Variants in BSDC1 observed in about 807,000 individuals in gnomAD.
BSDC1 encodes BSD domain containing 1.
In BSDC1, 29 loss-of-function variants were observed where a neutral mutation model predicts 56.0. The ratio of observed to expected loss-of-function variants is 0.52; its 90% CI spans 0.39 to 0.71. The LOEUF (loss-of-function observed/expected upper bound fraction) is 0.71. BSDC1 is among the 30% of genes least tolerant of loss of function. BSDC1 has a pLI of 0.00. For missense variants in BSDC1, 477 were observed against 548.5 expected (o/e 0.87, Z 1.30); for synonymous variants, 210 against 215.3 (o/e 0.98, Z 0.21).
intron 10 of BSDC1, chr1:32,367,989 A>G (rs563337502): frequency 4.3e-4 from 480 of 1,117,612 alleles, no homozygotes; most frequent in Non-Finnish European, 5.1e-4. Flanking sequence ...GAGGACCACA[A>G]CTCAGAAGGT....
At chr1:32,394,348 C>T (rs764418866) in intron 1 of BSDC1, 56 bp downstream of exon 1, 1 of 1,613,848 alleles carries the variant, frequency 6.2e-7, no homozygotes, top group South Asian at 1.1e-5. Context: ...TCGCCCAGCA[C>T]CCCAACCCTG....
At chr1:32,366,774 T>C in intron 10 of BSDC1, 120 bp from the exon 11 acceptor site, 1 of 1,428,722 alleles carries the variant, frequency 7.0e-7, no homozygotes, top group Non-Finnish European at 9.2e-7. Flanking sequence ...GGCCATACTC[T>C]GAGGTCCCAC....
intron 2 of BSDC1, among the ~76,000 whole-genome samples, chr1:32,389,784 C>CCA (rs58560406): frequency 0.13 from 18,340 of 145,938 alleles, 1,119 homozygotes; most frequent in African/African-American, 0.16. Context: ...AAAACCGTCT[C>CCA]CACACACACA....
rs1254003357 is a variant in BSDC1, at chr1:32,383,454, TA to T, written c.357+375del. ...GTGACAGAGTGAGACCCTGTCTCAT[TA>T]AAAAAAAAAAAAAAGATGATTAGGA... On this transcript the variant is annotated intron_variant, in intron 4 of 10. Coordinates refer to ENST00000455895, the MANE Select transcript of BSDC1 (RefSeq NM_018045.8). Among the ~76,000 whole-genome samples, 857 of 136,104 alleles carry T rather than the reference TA, an allele frequency of 6.3e-3. 2 individuals carry two copies. Among genetic ancestry groups the T allele is most frequent in the African/African-American group, 8.4e-3 (310 of 37,026 alleles). 89.3% of individuals were successfully genotyped at this position (136,104 alleles called of 152,430 possible).
At chr1:32,379,658 G>A (rs1642416224) in intron 5 of BSDC1, among the ~76,000 whole-genome samples, 2 of 152,126 alleles carry the variant, frequency 1.3e-5, no homozygotes, top group African/African-American at 4.8e-5. Flanking sequence ...TGGCACAACC[G>A]TGGCTCACTG....
rs1338574403 is a variant in BSDC1 at position 32,376,673 on chromosome 1, A to G, written c.745T>C (p.Phe249Leu). Residue 249 changes from phenylalanine (F) to leucine (L), a missense_variant, in exon 9 of 11, where the codon TTC becomes CTC. Phe to Leu is a conservative substitution (Grantham distance 22, BLOSUM62 0). Transcript: ENST00000455895. ...TGGGGGCCAGGTTCTCCTTCAGGGA[A>G]TGTAGAAATTTTGGCCACAGGAACC... ...AKVPVAKIST[F>L]PEGEPGPQSP... is the part of the protein sequence containing the mutation. The G allele has an allele frequency of 7.1e-7, 1 of 1,415,526 alleles. No individual in the cohort carries two copies. Among genetic ancestry groups the G allele is most frequent in the African/African-American group, 1.4e-5 (1 of 70,542 alleles). The allele number at this position is 1,415,526 out of a possible 1,614,324, so 87.7% of individuals were successfully genotyped here. A position where few individuals can be genotyped will look rare whatever the true frequency, so the allele number is the denominator to read the frequency against.
intron 1 of BSDC1, 45 bp downstream of exon 1, chr1:32,394,359 G>A: frequency 6.2e-7 from 1 of 1,613,940 alleles, no homozygotes; most frequent in Non-Finnish European, 8.5e-7. Flanking sequence ...CCCAACCCTG[G>A]GAGAATTCAG....
rs769915534 is a variant in BSDC1 at position 32,378,833 on chromosome 1, G to A, written c.419C>T (p.Pro140Leu). 9 of 1,515,080 alleles carry A rather than the reference G, an allele frequency of 5.9e-6. No individual in the cohort carries two copies. The highest frequency in any genetic ancestry group is 1.4e-5 in the African/African-American group (1 of 71,242). 93.9% of individuals were successfully genotyped at this position (1,515,080 alleles called of 1,614,324 possible). A position where few individuals can be genotyped will look rare whatever the true frequency, so the allele number is the denominator to read the frequency against. Reference protein sequence around the residue: ...ATYCNEPDGPPELFDAWLSQF... With the variant: ...ATYCNEPDGPLELFDAWLSQF... The stretch of plus-strand genomic sequence containing the variant: ...GGAAAGCCAGGCGTCAAACAATTCC[G>A]GGGGCCCTGCAGAGGGACAGATGCT... Residue 140 changes from proline to leucine, a missense_variant, in exon 6 of 11, where the codon CCG becomes CTG. By Grantham distance (98) the Pro-to-Leu change is moderately conservative. Coordinates refer to ENST00000455895, the MANE Select transcript of BSDC1 (RefSeq NM_018045.8). The surrounding 1 kb of genome is among the most constrained non-coding windows in gnomAD (Gnocchi z 5.2).
intron 3 of BSDC1, among the ~76,000 whole-genome samples, chr1:32,385,470 T>C (rs1410794601): frequency 1.3e-5 from 2 of 152,196 alleles, no homozygotes; most frequent in African/African-American, 2.4e-5. Flanking sequence ...CTCATGCCTG[T>C]AATCCCAGCA....
rs765951729 is a variant in BSDC1, at chr1:32,394,405, C to A, written c.10G>T (p.Gly4Trp). 6.2e-7 allele frequency: 1 copy of A among 1,614,066 alleles called. No individual in the cohort carries two copies. Among genetic ancestry groups the A allele is most frequent in the Non-Finnish European group, 8.5e-7 (1 of 1,180,046 alleles). MAE[G>W]EDVGWWRSWL... The stretch of plus-strand genomic sequence containing the variant: ...CTAGGAGCAAAACGACAAGCTCACC[C>A]TTCCGCCATCTTGCCTGCATGACAT... Residue 4 changes from glycine (G) to tryptophan (W), a missense_variant and splice_region_variant, in exon 1 of 11, where the codon GGG (glycine) becomes TGG (tryptophan). Physicochemically the swap from Gly to Trp is radical, Grantham distance 184. Transcript: ENST00000455895.
chr1:32,368,214 C>A, intron 10 of BSDC1: 1 of 1,447,368 alleles, frequency 6.9e-7, no homozygotes, highest in Non-Finnish European at 9.1e-7. Flanking sequence ...AATTTTGATA[C>A]AGAGCTAAGG....
In BSDC1 at chr1:32,376,616, C is replaced by A. The variant is rs1184337836; in HGVS notation, c.802G>T (p.Val268Phe). Residue 268 changes from valine to phenylalanine, a missense_variant, in exon 9 of 11, where the codon GTT (valine) becomes TTT (phenylalanine). Physicochemically the swap from Val to Phe is conservative, Grantham distance 50. Coordinates refer to ENST00000455895, the MANE Select transcript of BSDC1 (RefSeq NM_018045.8). ...SPCEENLVTS[V>F]EPPAEVTPSE... ...GGAGTCACCTCTGCTGGGGGCTCAA[C>A]TGAAGTCACCAGATTCTCTTCACAG... is the stretch of plus-strand genomic sequence containing the variant. 1 of 1,462,450 alleles carries A rather than the reference C, an allele frequency of 6.8e-7. No homozygotes were observed. Among genetic ancestry groups the A allele is most frequent in the East Asian group, 2.3e-5 (1 of 42,874 alleles). 90.6% of individuals were successfully genotyped at this position (1,462,450 alleles called of 1,614,324 possible). A position where few individuals can be genotyped will look rare whatever the true frequency, so the allele number is the denominator to read the frequency against.
At chr1:32,368,676 G>A (rs1398311974) in intron 9 of BSDC1, 126 bp from the exon 10 acceptor site, 2 of 1,355,462 alleles carry the variant, frequency 1.5e-6, no homozygotes, top group East Asian at 4.8e-5. Flanking sequence ...TACATTTTGT[G>A]TTCACTCTGG....
At chr1:32,367,706 T>G in intron 10 of BSDC1, 1 of 982,288 alleles carries the variant, frequency 1.0e-6, no homozygotes. Flanking sequence ...TAGTGAAGAA[T>G]AACAGTACTA....
Position 32,394,434 on chromosome 1 carries a change from C to T in BSDC1, c.-20G>A. The T allele has an allele frequency of 6.2e-7, 1 of 1,614,194 alleles. No homozygotes were observed. Among genetic ancestry groups the T allele is most frequent in the Non-Finnish European group, 8.5e-7 (1 of 1,180,016 alleles). On this transcript the variant is annotated 5_prime_UTR_variant, in exon 1 of 11. Coordinates refer to ENST00000455895, the MANE Select transcript of BSDC1 (RefSeq NM_018045.8). ...CGCCATCTTGCCTGCATGACATCAC[C>T]ACTATTTACTGACCTTTGACTTCCG...
chr1:32,370,103 G>C (rs1642018057), intron 9 of BSDC1, among the ~76,000 whole-genome samples: 1 of 152,220 alleles, frequency 6.6e-6, no homozygotes, highest in South Asian at 2.1e-4. Flanking sequence ...TCAGCCTCCT[G>C]AGTAGCTGAG....
intron 4 of BSDC1, among the ~76,000 whole-genome samples, chr1:32,382,375 G>A (rs1642509928): frequency 6.6e-6 from 1 of 151,708 alleles, no homozygotes; most frequent in African/African-American, 2.4e-5. Context: ...AGGCTGAGGT[G>A]GGAGGAGCAC....
At chr1:32,370,609 C>G (rs1035354559) in intron 9 of BSDC1, among the ~76,000 whole-genome samples, 91 of 151,818 alleles carry the variant, frequency 6.0e-4, no homozygotes, top group African/African-American at 2.1e-3. Flanking sequence ...CGAGACCACC[C>G]TGGCTAATGT....
chr1:32,366,461 G>A lies in BSDC1; in HGVS notation c.*161C>T, dbSNP rs1641853721. 1 of 755,106 alleles carries A rather than the reference G, an allele frequency of 1.3e-6. No individual in the cohort carries two copies. Among genetic ancestry groups the A allele is most frequent in the East Asian group, 2.7e-5 (1 of 37,404 alleles). The allele number at this position is 755,106 out of a possible 1,614,324, so 46.8% of individuals were successfully genotyped here. A position where few individuals can be genotyped will look rare whatever the true frequency, so the allele number is the denominator to read the frequency against. On this transcript the variant is annotated 3_prime_UTR_variant, in exon 11 of 11. Coordinates refer to ENST00000455895, the MANE Select transcript of BSDC1 (RefSeq NM_018045.8). The stretch of plus-strand genomic sequence containing the variant: ...GAGAGCCCCTTCCCAGGTGTGAGCA[G>A]AGGCCCAAGAGGGCCAGCAGGGAGC...
Sources: allele counts gnomAD v4.1 joint callset (sites outside exome capture counted in the v4.1 genomes callset), GRCh38; gene constraint gnomAD v4.1.1; non-coding constraint Gnocchi (gnomAD v3.1); transcripts MANE v1.5; gene names NCBI Gene and HGNC (gene_info 2026-07-23, HGNC 2026-07-21).